Variants in RAB6B observed in about 807,000 individuals in gnomAD.
RAB6B encodes ras-related protein Rab-6B.
Under a neutral mutation model 31.2 loss-of-function variants are expected in RAB6B, and 7 were observed. The ratio of observed to expected loss-of-function variants is 0.22; its 90% CI spans 0.13 to 0.42. The LOEUF is 0.42. RAB6B is among the 10% of genes least tolerant of loss of function. RAB6B has a pLI of 1.00. For missense variants in RAB6B, 149 were observed against 280.6 expected, an observed-to-expected ratio of 0.53 and a Z score of 3.35; for synonymous variants, 105 against 104.9, an observed-to-expected ratio of 1.00 and a Z score of -0.01.
chr3:133,881,918 T>C (rs549977408), intron 1 of RAB6B, among the ~76,000 whole-genome samples: 1 of 152,350 alleles, frequency 6.6e-6, no homozygotes, highest in East Asian at 1.9e-4. Context: ...AGGAATTCAG[T>C]GGCTTAAAAC....
At chr3:133,870,533 G>A (rs907975138) in intron 1 of RAB6B, among the ~76,000 whole-genome samples, 2 of 152,140 alleles carry the variant, frequency 1.3e-5, no homozygotes, top group African/African-American at 4.8e-5. Context: ...CAGGACCAGT[G>A]ACTGGTCAGA....
intron 2 of RAB6B, among the ~76,000 whole-genome samples, chr3:133,855,723 G>A (rs35263426): frequency 0.24 from 36,002 of 152,092 alleles, 5,134 homozygotes; most frequent in Middle Eastern, 0.34. Flanking sequence ...TGAATTAGGA[G>A]AGATTACTAA....
intron 2 of RAB6B, among the ~76,000 whole-genome samples, chr3:133,849,054 T>C (rs1935943295): frequency 6.6e-6 from 1 of 152,188 alleles, no homozygotes; most frequent in South Asian, 2.1e-4. Flanking sequence ...GAACTCCTCA[T>C]AAACAAGTTG....
At chr3:133,845,879 A>T (rs1032552877) in intron 2 of RAB6B, among the ~76,000 whole-genome samples, 15 of 152,170 alleles carry the variant, frequency 9.9e-5, no homozygotes, top group African/African-American at 3.6e-4. Context: ...AAAAAAAAAA[A>T]TTAAAAATTA....
rs1334265195 is a variant in RAB6B, at chr3:133,825,432, G to A, written c.*3356C>T. 1 of 152,330 alleles carries A rather than the reference G, an allele frequency of 6.6e-6. No homozygotes were observed. The highest frequency in any genetic ancestry group is 2.1e-4 in the South Asian group (1 of 4,826). 9.4% of individuals were successfully genotyped at this position (152,330 alleles called of 1,614,324 possible). Reference sequence around the variant, plus strand: ...TCTGGCCATTGCTCCCCTCAGACCTGGGAACATGACTGAATGTTTAAGGAT... The same window carrying A: ...TCTGGCCATTGCTCCCCTCAGACCTAGGAACATGACTGAATGTTTAAGGAT... On this transcript the variant is annotated 3_prime_UTR_variant, in exon 8 of 8. Coordinates refer to ENST00000285208, the MANE Select transcript of RAB6B (RefSeq NM_016577.4).
intron 1 of RAB6B, among the ~76,000 whole-genome samples, chr3:133,865,382 ATGC>A (rs1245742523): frequency 6.6e-6 from 1 of 152,188 alleles, no homozygotes; most frequent in Non-Finnish European, 1.5e-5. Flanking sequence ...AATCCTACAA[ATGC>A]TGCTAATTTC....
intron 2 of RAB6B, among the ~76,000 whole-genome samples, chr3:133,857,743 T>A (rs1196256657): frequency 6.6e-6 from 1 of 152,214 alleles, no homozygotes; most frequent in Non-Finnish European, 1.5e-5. Context: ...TACCTCCCAC[T>A]GGACTCTTCC....
At chr3:133,868,181 C>T (rs550130673) in intron 1 of RAB6B, among the ~76,000 whole-genome samples, 107 of 152,294 alleles carry the variant, frequency 7.0e-4, no homozygotes, top group African/African-American at 2.1e-3. Context: ...ATGGCAAAGA[C>T]CCCTTCCTCA....
chr3:133,875,728 A>T (rs1201778959), intron 1 of RAB6B, among the ~76,000 whole-genome samples: 2 of 152,136 alleles, frequency 1.3e-5, no homozygotes, highest in African/African-American at 2.4e-5. Context: ...CCTGAAGCAG[A>T]CACTCAGGGC....
chr3:133,837,093 C>A (rs1935747522), intron 6 of RAB6B, among the ~76,000 whole-genome samples: 1 of 151,964 alleles, frequency 6.6e-6, no homozygotes, highest in African/African-American at 2.4e-5. Context: ...CCTCGGGCAC[C>A]CTGCAGCCAC....
chr3:133,881,616 G>A (rs532865699), intron 1 of RAB6B, among the ~76,000 whole-genome samples: 1 of 152,338 alleles, frequency 6.6e-6, no homozygotes, highest in African/African-American at 2.4e-5. Context: ...TAGAGAATAT[G>A]TGGTCTAGCC....
At chr3:133,842,008 C>G (rs1935843467) in intron 2 of RAB6B, among the ~76,000 whole-genome samples, 1 of 152,190 alleles carries the variant, frequency 6.6e-6, no homozygotes, top group African/African-American at 2.4e-5. Context: ...CCTGGACTCC[C>G]TGCCTTGTTC....
At chr3:133,868,161 T>C (rs1936263470) in intron 1 of RAB6B, among the ~76,000 whole-genome samples, 1 of 152,110 alleles carries the variant, frequency 6.6e-6, no homozygotes, top group Non-Finnish European at 1.5e-5. Flanking sequence ...TAAGCTCCTC[T>C]CCCCTCTAAA....
chr3:133,838,317 A>G, intron 5 of RAB6B, 58 bp from the exon 6 acceptor site: 1 of 1,505,880 alleles, frequency 6.6e-7, no homozygotes, highest in Non-Finnish European at 9.2e-7. Flanking sequence ...CCTGGCAGAT[A>G]TGAGGAGGGA....
chr3:133,879,067 C>G (rs1037238916), intron 1 of RAB6B, among the ~76,000 whole-genome samples: 1 of 152,178 alleles, frequency 6.6e-6, no homozygotes, highest in African/African-American at 2.4e-5. Flanking sequence ...AGTTCCTATT[C>G]TCTCTGAGGC....
intron 1 of RAB6B, among the ~76,000 whole-genome samples, chr3:133,877,254 A>G (rs1936409431): frequency 1.3e-5 from 2 of 152,258 alleles, no homozygotes; most frequent in Non-Finnish European, 2.9e-5. Flanking sequence ...AGGGAATGGC[A>G]GAGACCTGCA....
intron 2 of RAB6B, among the ~76,000 whole-genome samples, chr3:133,844,920 T>C (rs1576396536): frequency 6.8e-6 from 1 of 147,522 alleles, no homozygotes; most frequent in Non-Finnish European, 1.5e-5. Context: ...TCCAGGCTGG[T>C]CAACAGAGCA....
chr3:133,864,757 G>T, intron 1 of RAB6B, 115 bp from the exon 2 acceptor site: 1 of 1,036,898 alleles, frequency 9.6e-7, no homozygotes, highest in Non-Finnish European at 1.5e-6. Context: ...GAAAGGCCGA[G>T]TTGCAGAAAT....
intron 2 of RAB6B, among the ~76,000 whole-genome samples, chr3:133,843,837 G>A (rs1478471535): frequency 6.6e-6 from 1 of 152,172 alleles, no homozygotes; most frequent in African/African-American, 2.4e-5. Flanking sequence ...ATGAGTCATA[G>A]TGGCCCATCC....
Sources: allele counts gnomAD v4.1 joint callset (sites outside exome capture counted in the v4.1 genomes callset), GRCh38; gene constraint gnomAD v4.1.1; transcripts MANE v1.5; gene names NCBI Gene and HGNC (gene_info 2026-07-23, HGNC 2026-07-21).